AKAP19: variants seen among roughly 807,000 people sequenced by gnomAD.
AKAP19 encodes A-kinase anchoring protein 19.
At chr2:190,166,904 AAAAG>A in the AKAP19 span, among the ~76,000 whole-genome samples, 5 of 152,130 alleles carry the variant, frequency 3.3e-5, no homozygotes, top group African/African-American at 1.2e-4. Context: ...AAAGAAAGAA[AAAAG>A]AAAGAAAAAT....
the AKAP19 span, among the ~76,000 whole-genome samples, chr2:189,922,651 A>C: frequency 6.6e-6 from 1 of 152,232 alleles, no homozygotes; most frequent in African/African-American, 2.4e-5. Context: ...GAACAAGTCA[A>C]CATCCTGCCT....
chr2:190,125,757 TA>T, the AKAP19 span, among the ~76,000 whole-genome samples: 1 of 152,106 alleles, frequency 6.6e-6, no homozygotes, highest in African/African-American at 2.4e-5. Flanking sequence ...GTCATGAATG[TA>T]ATACTGAGGG....
the AKAP19 span, among the ~76,000 whole-genome samples, chr2:190,049,696 C>T: frequency 6.6e-6 from 1 of 152,326 alleles, no homozygotes; most frequent in South Asian, 2.1e-4. Flanking sequence ...AGCTACCTAT[C>T]ATTCTCTACC....
At chr2:190,193,786 C>T in the AKAP19 span, among the ~76,000 whole-genome samples, 2 of 152,040 alleles carry the variant, frequency 1.3e-5, no homozygotes, top group East Asian at 1.9e-4. Flanking sequence ...TTGTCTCTAT[C>T]GTATGCTTCA....
the AKAP19 span, chr2:190,180,384 GCAGCGCCCCCTCTCACCAGGGCGGAGCT>G: frequency 1.2e-6 from 1 of 831,236 alleles, no homozygotes; most frequent in Non-Finnish European, 1.4e-6. This position sits in a 1 kb window ranked among gnomAD's most constrained non-coding sequence, Gnocchi z 6.8. Flanking sequence ...GCCTTGGAGG[GCAGCGCCCCCTCTCACCAGGGCGGAGCT>G]CAGGAGAGTT....
the AKAP19 span, among the ~76,000 whole-genome samples, chr2:189,998,925 C>T: frequency 2.0e-5 from 3 of 151,754 alleles, no homozygotes; most frequent in Non-Finnish European, 4.4e-5. Context: ...GTGCCTACCA[C>T]CATGCCTGGC....
chr2:190,094,285 GCATTC>G, the AKAP19 span, among the ~76,000 whole-genome samples: 1 of 152,174 alleles, frequency 6.6e-6, no homozygotes, highest in African/African-American at 2.4e-5. Flanking sequence ...GCTGTTTAAA[GCATTC>G]CCCTAGTGCC....
chr2:189,917,250 C>T, the AKAP19 span: 1 of 1,242,096 alleles, frequency 8.1e-7, no homozygotes, highest in East Asian at 2.5e-5. Context: ...CTTTTACAAA[C>T]ACTGTCTTCG....
chr2:190,055,619 A>T, the AKAP19 span: 1 of 152,152 alleles, frequency 6.6e-6, no homozygotes, highest in African/African-American at 2.4e-5. Context: ...CCTCAACCAA[A>T]CTTTTGTGCT....
At chr2:189,963,242 G>C in the AKAP19 span, among the ~76,000 whole-genome samples, 4 of 136,238 alleles carry the variant, frequency 2.9e-5, no homozygotes, top group Non-Finnish European at 6.1e-5. Context: ...TGCCCAGGCT[G>C]GAGTGCAGTG....
the AKAP19 span, among the ~76,000 whole-genome samples, chr2:190,165,713 G>A: frequency 6.6e-6 from 1 of 152,090 alleles, no homozygotes; most frequent in African/African-American, 2.4e-5. Flanking sequence ...AGAGAATGAG[G>A]GGAGGCAATA....
At chr2:189,914,768 T>A in the AKAP19 span, among the ~76,000 whole-genome samples, 13 of 152,244 alleles carry the variant, frequency 8.5e-5, no homozygotes, top group Admixed American at 7.8e-4. Context: ...TGAAAGGTAT[T>A]GTGTGAGGCA....
At chr2:190,009,264 C>T in the AKAP19 span, among the ~76,000 whole-genome samples, 1 of 152,072 alleles carries the variant, frequency 6.6e-6, no homozygotes. Flanking sequence ...TATTATTACT[C>T]AACTTCTGTA....
chr2:190,010,447 C>T, the AKAP19 span, among the ~76,000 whole-genome samples: 1 of 152,112 alleles, frequency 6.6e-6, no homozygotes, highest in Non-Finnish European at 1.5e-5. Flanking sequence ...TAAGGATGTA[C>T]TGTATGATTG....
At chr2:189,930,274 C>T in the AKAP19 span, 1 of 470,390 alleles carries the variant, frequency 2.1e-6, no homozygotes, top group South Asian at 4.7e-5. Context: ...GCTCAATAGT[C>T]TAGGTTGAAA....
chr2:189,916,519 A>G, the AKAP19 span, among the ~76,000 whole-genome samples: 2 of 151,796 alleles, frequency 1.3e-5, no homozygotes, highest in African/African-American at 4.8e-5. Flanking sequence ...ATGGGGTTTC[A>G]CTATGTTGGC....
the AKAP19 span, among the ~76,000 whole-genome samples, chr2:189,983,392 G>A: frequency 6.6e-6 from 1 of 152,070 alleles, no homozygotes; most frequent in African/African-American, 2.4e-5. Context: ...GGTGAGTTGG[G>A]CCCTACCATT....
At chr2:190,018,634 T>C in the AKAP19 span, among the ~76,000 whole-genome samples, 95,312 of 152,036 alleles carry the variant, frequency 0.63, 33,850 homozygotes, top group South Asian at 0.79. Flanking sequence ...ATTCCATAGA[T>C]CTTCATTTCT....
At chr2:190,002,094 A>G in the AKAP19 span, among the ~76,000 whole-genome samples, 1 of 152,218 alleles carries the variant, frequency 6.6e-6, no homozygotes, top group Admixed American at 6.5e-5. Flanking sequence ...GAACAAGGGC[A>G]GGGGATATGG....
Sources: allele counts gnomAD v4.1 joint callset (sites outside exome capture counted in the v4.1 genomes callset), GRCh38; gene constraint gnomAD v4.1.1; non-coding constraint Gnocchi (gnomAD v3.1); transcripts MANE v1.5; gene names NCBI Gene and HGNC (gene_info 2026-07-23, HGNC 2026-07-21).